Variants in SHISA9 observed in about 807,000 individuals in gnomAD.
SHISA9 encodes the protein protein shisa-9.
Under a neutral mutation model 38.0 loss-of-function variants are expected in SHISA9, and 13 were observed. That is an observed-to-expected ratio of 0.34 (90% CI 0.22 to 0.54). SHISA9 has a LOEUF of 0.54. SHISA9 is among the 20% of genes least tolerant of loss of function. The probability of loss-of-function intolerance (pLI) is 0.91; values close to 1 mark genes in which losing one functional copy is unlikely to be tolerated. For missense variants in SHISA9, 538 were observed against 575.8 expected (o/e 0.93, Z 0.67); for synonymous variants, 275 against 242.0 (o/e 1.14, Z -1.27).
Position 13,161,096 on chromosome 16 carries a change from C to T in SHISA9, c.692-42298C>T, listed in dbSNP as rs140867680. Among the ~76,000 whole-genome samples the T allele has an allele frequency of 5.8e-3, 883 of 152,232 alleles. 6 individuals carry two copies. Among genetic ancestry groups the T allele is most frequent in the Non-Finnish European group, 1.0e-2 (680 of 68,028 alleles). On this transcript the variant is annotated intron_variant, in intron 2 of 4. Transcript: ENST00000558583. ...AAAGACTTATGTATTTCAGTGGAGC[C>T]GTGGAAATTCTCACTTTTCTGTCCT...
Position 13,141,785 on chromosome 16 carries a change from G to A in SHISA9, c.692-61609G>A, listed in dbSNP as rs73520699. Among the ~76,000 whole-genome samples, 1,131 of 152,270 alleles carry A rather than the reference G, an allele frequency of 7.4e-3. 9 individuals are homozygous for A. Among genetic ancestry groups the A allele is most frequent in the African/African-American group, 0.026 (1,076 of 41,554 alleles). ...CTCCTTGCCCTCGTTTGTCATTTAA[G>A]TCTTTCAATTAAGTAGTCAACATTA... is the stretch of plus-strand genomic sequence containing the variant. On this transcript the variant is annotated intron_variant, in intron 2 of 4. Coordinates refer to ENST00000558583, the MANE Select transcript of SHISA9 (RefSeq NM_001145204.3).
chr16:13,346,330 C>G, the SHISA9 span, among the ~76,000 whole-genome samples: 4 of 152,092 alleles, frequency 2.6e-5, no homozygotes, highest in Non-Finnish European at 4.4e-5. Context: ...GGCTAAAGAC[C>G]CCTACAGCTT....
intron 2 of SHISA9, among the ~76,000 whole-genome samples, chr16:13,007,582 C>T (rs1322373309): frequency 2.0e-5 from 3 of 152,186 alleles, no homozygotes; most frequent in African/African-American, 4.8e-5. Context: ...GAGGGCCTCC[C>T]ATGACCCTAG....
chr16:13,118,890 CA>C (rs2074058358), intron 2 of SHISA9, among the ~76,000 whole-genome samples: 1 of 151,990 alleles, frequency 6.6e-6, no homozygotes, highest in African/African-American at 2.4e-5. Context: ...CCACCATGCC[CA>C]GCTAATTTTT....
the SHISA9 span, among the ~76,000 whole-genome samples, chr16:13,262,860 C>G: frequency 6.6e-5 from 10 of 152,190 alleles, no homozygotes; most frequent in South Asian, 8.3e-4. Context: ...CTAATTTTTG[C>G]TCATTCAGGT....
the SHISA9 span, among the ~76,000 whole-genome samples, chr16:13,494,296 C>G: frequency 6.6e-6 from 1 of 152,122 alleles, no homozygotes. Context: ...GATTAATCAG[C>G]CTTTCATCAA....
At chr16:13,187,423 C>G (rs12929873) in intron 2 of SHISA9, among the ~76,000 whole-genome samples, 1 of 150,678 alleles carries the variant, frequency 6.6e-6, no homozygotes, top group African/African-American at 2.4e-5. Flanking sequence ...CAGCCTCCAC[C>G]TCCTGTGTTC....
chr16:13,397,942 A>C, the SHISA9 span, among the ~76,000 whole-genome samples: 1 of 152,160 alleles, frequency 6.6e-6, no homozygotes, highest in Non-Finnish European at 1.5e-5. Flanking sequence ...GGGGAGCCAG[A>C]AGGGAGATGG....
At chr16:12,939,037 G>A (rs945882708) in intron 2 of SHISA9, among the ~76,000 whole-genome samples, 1 of 151,858 alleles carries the variant, frequency 6.6e-6, no homozygotes, top group African/African-American at 2.4e-5. Context: ...TCAGGAAGTA[G>A]TTTCATCTCT....
chr16:13,293,262 A>C, the SHISA9 span, among the ~76,000 whole-genome samples: 10 of 152,032 alleles, frequency 6.6e-5, no homozygotes, highest in Admixed American at 1.3e-4. Flanking sequence ...ACACACACAC[A>C]CCCTTACTTT....
At chr16:13,544,281 T>C in the SHISA9 span, among the ~76,000 whole-genome samples, 1 of 148,780 alleles carries the variant, frequency 6.7e-6, no homozygotes, top group African/African-American at 2.4e-5. Flanking sequence ...TATCTATATA[T>C]CTTATAGATA....
At chr16:13,016,091 A>C (rs547755661) in intron 2 of SHISA9, among the ~76,000 whole-genome samples, 1 of 148,370 alleles carries the variant, frequency 6.7e-6, no homozygotes, top group African/African-American at 2.5e-5. Flanking sequence ...TGGCTCAAGC[A>C]GTTCTCCTGC....
chr16:13,554,049 C>A, the SHISA9 span, among the ~76,000 whole-genome samples: 1 of 152,076 alleles, frequency 6.6e-6, no homozygotes, highest in African/African-American at 2.4e-5. Flanking sequence ...TATGCTTCCT[C>A]TATTTTGGGG....
chr16:13,446,773 T>C, the SHISA9 span, among the ~76,000 whole-genome samples: 1 of 151,904 alleles, frequency 6.6e-6, no homozygotes, highest in Non-Finnish European at 1.5e-5. Context: ...GACCAGGAGT[T>C]TGAGACCAGC....
At chr16:12,910,598 C>T in intron 1 of SHISA9, 1 of 985,292 alleles carries the variant, frequency 1.0e-6, no homozygotes, top group African/African-American at 1.7e-5. Flanking sequence ...GTCATTTCAA[C>T]CTCAAAAATG....
the SHISA9 span, among the ~76,000 whole-genome samples, chr16:13,450,185 C>T: frequency 6.6e-6 from 1 of 152,164 alleles, no homozygotes; most frequent in Non-Finnish European, 1.5e-5. Flanking sequence ...TACTTACTTG[C>T]TGAATGACCT....
chr16:13,205,238 A>C (rs557803886), intron 3 of SHISA9, among the ~76,000 whole-genome samples: 1 of 152,360 alleles, frequency 6.6e-6, no homozygotes, highest in African/African-American at 2.4e-5. Context: ...CAGGGGTGAC[A>C]GCCATTCATG....
At chr16:13,324,104 T>C in the SHISA9 span, among the ~76,000 whole-genome samples, 1 of 152,190 alleles carries the variant, frequency 6.6e-6, no homozygotes, top group Non-Finnish European at 1.5e-5. Context: ...CTTTGCCTTC[T>C]GCAATGATTG....
At chr16:13,375,032 C>T in the SHISA9 span, among the ~76,000 whole-genome samples, 21 of 152,090 alleles carry the variant, frequency 1.4e-4, no homozygotes, top group African/African-American at 2.6e-4. Flanking sequence ...GATTTTTTCT[C>T]GTAAATTTGT....
Sources: allele counts gnomAD v4.1 joint callset (sites outside exome capture counted in the v4.1 genomes callset), GRCh38; gene constraint gnomAD v4.1.1; transcripts MANE v1.5; gene names NCBI Gene and HGNC (gene_info 2026-07-23, HGNC 2026-07-21).